The following FOXP2 variants were observed in gnomAD, a reference collection of about 807,000 sequenced individuals.
FOXP2 encodes the protein forkhead box protein P2.
A neutral mutation model predicts 115.8 loss-of-function variants in FOXP2; 12 were observed. That is an observed-to-expected ratio of 0.10 (90% CI 0.07 to 0.17). The LOEUF (loss-of-function observed/expected upper bound fraction) is 0.17, where lower values mean the gene tolerates loss of function less well. Among genes scored for constraint, FOXP2 ranks in the 10% least tolerant of loss-of-function variants. The probability of loss-of-function intolerance (pLI) is 1.00; values close to 1 mark genes in which losing one functional copy is unlikely to be tolerated. For synonymous variants in FOXP2, 328 were observed against 297.7 expected (o/e 1.10, Z -1.05); for missense variants, 629 against 843.5 (o/e 0.75, Z 3.15).
chr7:114,215,788 C>T (rs996461723), intron 1 of FOXP2, among the ~76,000 whole-genome samples: 5 of 151,942 alleles, frequency 3.3e-5, no homozygotes, highest in African/African-American at 1.2e-4. Context: ...AGATTTCTAC[C>T]CCCACTTTAT....
chr7:114,261,170 A>C (rs1452059827), intron 1 of FOXP2, among the ~76,000 whole-genome samples: 2 of 152,202 alleles, frequency 1.3e-5, no homozygotes, highest in African/African-American at 2.4e-5. Flanking sequence ...AATGTTTATA[A>C]GTCTCTTTGA....
chr7:114,220,908 T>C (rs755976399), intron 1 of FOXP2, among the ~76,000 whole-genome samples: 2 of 152,188 alleles, frequency 1.3e-5, no homozygotes, highest in Non-Finnish European at 2.9e-5. Flanking sequence ...AAATTCTAAA[T>C]AAAATTGGTG....
At chr7:114,409,656 C>T (rs1220701124), upstream of FOXP2, among the ~76,000 whole-genome samples, 1 of 152,068 alleles carries the variant, frequency 6.6e-6, no homozygotes, top group Non-Finnish European at 1.5e-5. Flanking sequence ...GCCTCAGTTT[C>T]TCCTTCTATA....
chr7:114,681,762 C>T (rs148974027), intron 16 of FOXP2, among the ~76,000 whole-genome samples: 1 of 152,026 alleles, frequency 6.6e-6, no homozygotes, highest in African/African-American at 2.4e-5. Flanking sequence ...CTTTTATTAC[C>T]TTAAATATAC....
chr7:114,450,737 A>G (rs545641828), intron 2 of FOXP2, among the ~76,000 whole-genome samples: 7 of 152,094 alleles, frequency 4.6e-5, no homozygotes, highest in Non-Finnish European at 1.0e-4. Context: ...TACATGGAAT[A>G]AAAGGCTATG....
intron 3 of FOXP2, among the ~76,000 whole-genome samples, chr7:114,602,078 G>T (rs1029755107): frequency 6.6e-6 from 1 of 151,998 alleles, no homozygotes; most frequent in Non-Finnish European, 1.5e-5. Context: ...TACTGAGAGT[G>T]AGGTTTTAAA....
Position 114,359,574 on chromosome 7 carries a change from C to G in FOXP2, c.-10-66928C>G, listed in dbSNP as rs141534458. Among the ~76,000 whole-genome samples the G allele has an allele frequency of 5.3e-3, 803 of 152,338 alleles. 6 individuals are homozygous for G. Among genetic ancestry groups the G allele is most frequent in the African/African-American group, 0.018 (758 of 41,580 alleles). On this transcript the variant is annotated intron_variant, in intron 2 of 17. Transcript: ENST00000634411. ...CAGCCAGAAGTGGGGCTGTATCCAG[C>G]AAAGCCAGAGGGGCAGAGCTGTCCA...
chr7:114,592,000 T>C (rs1802459677), intron 3 of FOXP2, among the ~76,000 whole-genome samples: 1 of 152,110 alleles, frequency 6.6e-6, no homozygotes, highest in Non-Finnish European at 1.5e-5. Context: ...CATGTGTGGC[T>C]AGTGGCTACT....
At position 114,472,330 on chromosome 7, in the gene FOXP2, C is replaced by T. The variant is rs115571897; in HGVS notation, c.168+45651C>T. ...TTAAAAGGTGAATCTTTATTGGCCT[C>T]CTGTTTTATAAATTCTTTTTTTTTT... On this transcript the variant is annotated intron_variant, in intron 2 of 16. Transcript: ENST00000350908. 5.5e-3 allele frequency among the ~76,000 whole-genome samples: 842 copies of T among 151,768 alleles called. 5 individuals are homozygous for T. Among genetic ancestry groups the T allele is most frequent in the African/African-American group, 0.019 (804 of 41,428 alleles).
chr7:114,243,790 T>C (rs935524722), intron 1 of FOXP2, among the ~76,000 whole-genome samples: 2 of 152,152 alleles, frequency 1.3e-5, no homozygotes, highest in Non-Finnish European at 2.9e-5. Context: ...AAGATTAAGC[T>C]CTTCTGGTAT....
At chr7:114,343,591 C>T (rs895170021) in intron 2 of FOXP2, among the ~76,000 whole-genome samples, 9 of 151,596 alleles carry the variant, frequency 5.9e-5, no homozygotes, top group Admixed American at 6.6e-5. Flanking sequence ...TTTTTTAAAA[C>T]TATCAGTTAA....
chr7:114,681,882 C>T (rs1320990358), intron 16 of FOXP2, among the ~76,000 whole-genome samples: 1 of 152,084 alleles, frequency 6.6e-6, no homozygotes, highest in Non-Finnish European at 1.5e-5. Context: ...AAAAATCTCA[C>T]TTTAGAAAGA....
chr7:114,642,787 TATATATA>T (rs1805618949), intron 7 of FOXP2, among the ~76,000 whole-genome samples, 164 bp downstream of exon 7: 1 of 83,242 alleles, frequency 1.2e-5, no homozygotes, highest in Admixed American at 1.7e-4. Context: ...ATAATATATA[TATATATA>T]TATATATATA....
chr7:114,317,122 T>C (rs989366784), intron 2 of FOXP2, among the ~76,000 whole-genome samples: 3 of 152,198 alleles, frequency 2.0e-5, no homozygotes, highest in Non-Finnish European at 4.4e-5. Context: ...TTTAGTTGTT[T>C]TGTTACTCCC....
At chr7:114,624,643 A>G (rs894337809) in intron 3 of FOXP2, among the ~76,000 whole-genome samples, 1 of 151,838 alleles carries the variant, frequency 6.6e-6, no homozygotes, top group Non-Finnish European at 1.5e-5. Flanking sequence ...TTGTTTTCAT[A>G]ACTCTTACAA....
chr7:114,238,758 C>A (rs1014763540), intron 1 of FOXP2, among the ~76,000 whole-genome samples: 2 of 145,432 alleles, frequency 1.4e-5, no homozygotes, highest in Non-Finnish European at 3.0e-5. Flanking sequence ...GGCGACAGAG[C>A]TAGACTCTAT....
chr7:114,490,293 A>G (rs1562956804), intron 2 of FOXP2, among the ~76,000 whole-genome samples: 4 of 152,154 alleles, frequency 2.6e-5, no homozygotes, highest in South Asian at 2.1e-4. Flanking sequence ...AATGCGCATT[A>G]CTAGGTGAAA....
At chr7:114,427,480 AAAAGAAAGCTTTG>A (rs1793911927) in intron 2 of FOXP2, among the ~76,000 whole-genome samples, 1 of 151,642 alleles carries the variant, frequency 6.6e-6, no homozygotes, top group Non-Finnish European at 1.5e-5. Context: ...AGTGACAGAG[AAAAGAAAGCTTTG>A]AAAGCATATA....
At chr7:114,250,558 A>AT (rs1394659078) in intron 1 of FOXP2, among the ~76,000 whole-genome samples, 2 of 152,128 alleles carry the variant, frequency 1.3e-5, no homozygotes, top group East Asian at 1.9e-4. Context: ...GATGATGAGC[A>AT]TTTTTTCATG....
Sources: allele counts gnomAD v4.1 joint callset (sites outside exome capture counted in the v4.1 genomes callset), GRCh38; gene constraint gnomAD v4.1.1; transcripts MANE v1.5; gene names NCBI Gene and HGNC (gene_info 2026-07-23, HGNC 2026-07-21).